SMARCB1: variants seen among roughly 807,000 people sequenced by gnomAD.
SMARCB1 encodes the protein SWI/SNF related BAF chromatin remodeling complex subunit B1.
A neutral mutation model predicts 49.0 loss-of-function variants in SMARCB1; 5 were observed. The observed-to-expected ratio is 0.10, with a 90% CI of 0.05 to 0.21. The LOEUF (loss-of-function observed/expected upper bound fraction) is 0.21. SMARCB1 is among the 10% of genes least tolerant of loss of function. SMARCB1 has a pLI of 1.00. For missense variants in SMARCB1, 226 were observed against 509.2 expected (o/e 0.44, Z 5.35); for synonymous variants, 201 against 200.1 (o/e 1.00, Z -0.04).
chr22:23,809,602 G>A (rs1035716477), intron 5 of SMARCB1, among the ~76,000 whole-genome samples: 53 of 151,484 alleles, frequency 3.5e-4, no homozygotes, highest in Non-Finnish European at 6.9e-4. Context: ...TAGTAGAGAC[G>A]GGGTTTCACT....
At chr22:23,807,527 A>G (rs1370746410) in intron 5 of SMARCB1, among the ~76,000 whole-genome samples, 2 of 152,044 alleles carry the variant, frequency 1.3e-5, no homozygotes, top group Middle Eastern at 3.4e-3. Flanking sequence ...GTGAGCCGTG[A>G]TTGAGCCACT....
At chr22:23,789,308 G>T (rs1055733441) in intron 1 of SMARCB1, among the ~76,000 whole-genome samples, 2 of 152,252 alleles carry the variant, frequency 1.3e-5, no homozygotes, top group African/African-American at 4.8e-5. Flanking sequence ...GTAGGCACCT[G>T]CCTAACTGCA....
At chr22:23,788,960 C>A (rs1207215046) in intron 1 of SMARCB1, among the ~76,000 whole-genome samples, 1 of 152,110 alleles carries the variant, frequency 6.6e-6, no homozygotes, top group East Asian at 1.9e-4. Flanking sequence ...AGCCGTCCTC[C>A]CACCTCAGTC....
Position 23,836,691 on chromosome 22 carries a change from T to G in SMARCB1, c.*2511T>G. The G allele has an allele frequency of 7.6e-7, 1 of 1,307,810 alleles. No homozygotes were observed. Among genetic ancestry groups the G allele is most frequent in the African/African-American group, 1.5e-5 (1 of 65,294 alleles). The allele number at this position is 1,307,810 out of a possible 1,614,324, so 81.0% of individuals were successfully genotyped here. ...AGGACGGGGCAGGCATAGAAGGATGTGGCCAGGTGAGATGGGGAAGCCAGT... is the reference window on the plus strand; with the variant it reads ...AGGACGGGGCAGGCATAGAAGGATGGGGCCAGGTGAGATGGGGAAGCCAGT... On this transcript the variant is annotated 3_prime_UTR_variant, in exon 9 of 9. Coordinates refer to ENST00000644036, the MANE Select transcript of SMARCB1 (RefSeq NM_003073.5).
chr22:23,788,855 CA>C (rs1417908624), intron 1 of SMARCB1, among the ~76,000 whole-genome samples: 1 of 151,634 alleles, frequency 6.6e-6, no homozygotes, highest in Non-Finnish European at 1.5e-5. Flanking sequence ...CATTTTCCAC[CA>C]TTTTTTTTTT....
chr22:23,788,299 A>C (rs914418137), intron 1 of SMARCB1, among the ~76,000 whole-genome samples: 1 of 152,238 alleles, frequency 6.6e-6, no homozygotes, highest in Admixed American at 6.5e-5. Flanking sequence ...AATGTCAAGC[A>C]GTAGAATCTC....
chr22:23,808,475 C>A (rs1338609350), intron 5 of SMARCB1, among the ~76,000 whole-genome samples: 1 of 151,794 alleles, frequency 6.6e-6, no homozygotes, highest in Admixed American at 6.6e-5. Flanking sequence ...CCAGGATGGT[C>A]TCGATCTCCT....
chr22:23,799,967 A>C (rs1163735249), intron 3 of SMARCB1, among the ~76,000 whole-genome samples: 5 of 150,258 alleles, frequency 3.3e-5, no homozygotes, highest in Admixed American at 6.6e-5. Context: ...TACAGGCGTG[A>C]GCCACCGCGC....
At chr22:23,821,045 G>A (rs2030059046) in intron 6 of SMARCB1, among the ~76,000 whole-genome samples, 1 of 152,224 alleles carries the variant, frequency 6.6e-6, no homozygotes, top group Admixed American at 6.5e-5. Context: ...GCCTGCAGAG[G>A]AGCCATACAG....
intron 5 of SMARCB1, among the ~76,000 whole-genome samples, chr22:23,807,979 T>G (rs1173292172): frequency 7.7e-6 from 1 of 129,468 alleles, no homozygotes; most frequent in Non-Finnish European, 1.7e-5. Flanking sequence ...TTTTTTTTTT[T>G]GAGACGGAGT....
At chr22:23,798,385 G>T (rs960185927) in intron 3 of SMARCB1, among the ~76,000 whole-genome samples, 5 of 152,138 alleles carry the variant, frequency 3.3e-5, no homozygotes, top group African/African-American at 1.2e-4. Context: ...GCAACATAGT[G>T]AGACCCCACC....
intron 3 of SMARCB1, among the ~76,000 whole-genome samples, chr22:23,798,723 C>T (rs1186579964): frequency 1.3e-5 from 2 of 152,136 alleles, no homozygotes; most frequent in Non-Finnish European, 2.9e-5. Flanking sequence ...GACCTTTGTG[C>T]TGTCTTCCCG....
Position 23,836,717 on chromosome 22 carries a change from G to C in SMARCB1, c.*2537G>C, listed in dbSNP as rs2031076355. 1 of 1,346,834 alleles carries C rather than the reference G, an allele frequency of 7.4e-7. No homozygotes were observed. Among genetic ancestry groups the C allele is most frequent in the Non-Finnish European group, 9.5e-7 (1 of 1,055,936 alleles). 83.4% of individuals were successfully genotyped at this position (1,346,834 alleles called of 1,614,324 possible). On this transcript the variant is annotated 3_prime_UTR_variant, in exon 9 of 9. Coordinates refer to ENST00000644036, the MANE Select transcript of SMARCB1 (RefSeq NM_003073.5). Reference sequence around the variant, plus strand: ...GGCCAGGTGAGATGGGGAAGCCAGTGCTGTGGGCCAAGAGACTGCAGCTCA... The same window carrying C: ...GGCCAGGTGAGATGGGGAAGCCAGTCCTGTGGGCCAAGAGACTGCAGCTCA...
chr22:23,815,943 C>T (rs1440746794), intron 5 of SMARCB1: 3 of 152,538 alleles, frequency 2.0e-5, no homozygotes, highest in Non-Finnish European at 2.9e-5. Context: ...ACCTGAGGTT[C>T]CTGCTGTTGC....
chr22:23,793,193 G>A (rs1259877466), intron 2 of SMARCB1: 1 of 362,274 alleles, frequency 2.8e-6, no homozygotes, highest in African/African-American at 2.1e-5. Flanking sequence ...GTGTTACTCT[G>A]GGAGCTTTCT....
intron 1 of SMARCB1, among the ~76,000 whole-genome samples, chr22:23,788,294 C>T (rs1928141421): frequency 6.6e-6 from 1 of 152,172 alleles, no homozygotes; most frequent in Admixed American, 6.5e-5. Context: ...GTACAAATGT[C>T]AAGCAGTAGA....
At position 23,793,572 on chromosome 22, in the gene SMARCB1, G is replaced by T. The variant is rs367881615; in HGVS notation, c.246G>T (p.Thr82=). ...TKPNTKDHGY[T]TLATSVTLLK... The stretch of plus-strand genomic sequence containing the variant: ...TGTCTGTTACAGATCACGGATACAC[G>T]ACTCTAGCCACCAGTGTGACCCTGT... Residue 82 remains threonine (T), a synonymous_variant, in exon 3 of 9, where the codon ACG becomes ACT. Coordinates refer to ENST00000644036, the MANE Select transcript of SMARCB1 (RefSeq NM_003073.5). 1 of 1,614,068 alleles carries T rather than the reference G, an allele frequency of 6.2e-7. No homozygotes were observed. Among genetic ancestry groups the T allele is most frequent in the Non-Finnish European group, 8.5e-7 (1 of 1,179,982 alleles).
At chr22:23,821,309 T>G (rs2030074322) in intron 6 of SMARCB1, among the ~76,000 whole-genome samples, 1 of 152,246 alleles carries the variant, frequency 6.6e-6, no homozygotes, top group African/African-American at 2.4e-5. Context: ...AGAGGCCTCC[T>G]GGGCACCGTG....
intron 5 of SMARCB1, among the ~76,000 whole-genome samples, chr22:23,810,199 C>G (rs1042612870): frequency 2.4e-4 from 35 of 147,286 alleles, no homozygotes; most frequent in African/African-American, 7.5e-4. Context: ...AGTAAACTAT[C>G]CCCTGCAGAC....
Sources: gnomAD v4.1 joint callset for allele counts (sites outside exome capture counted in the v4.1 genomes callset) on GRCh38, gnomAD v4.1.1 for gene constraint, MANE v1.5 for transcripts, NCBI Gene and HGNC (gene_info 2026-07-23, HGNC 2026-07-21) for gene names.